RASA3: variants seen among roughly 807,000 people sequenced by gnomAD.
The protein encoded by RASA3 is RAS p21 protein activator 3.
RASA3 carries 73 observed loss-of-function variants against 110.0 expected under a neutral mutation model. The observed-to-expected ratio is 0.66, with a 90% CI of 0.55 to 0.81. RASA3 has a LOEUF of 0.81. Among genes scored for constraint, RASA3 ranks in the 30% least tolerant of loss-of-function variants. RASA3 has a pLI of 0.00. For missense variants in RASA3, 976 were observed against 1,113.2 expected (o/e 0.88, Z 1.75); for synonymous variants, 500 against 451.4 (o/e 1.11, Z -1.37).
At chr13:114,075,603 C>T (rs557522256) in intron 1 of RASA3, among the ~76,000 whole-genome samples, 4,200 of 48,680 alleles carry the variant, frequency 0.086, 352 homozygotes, top group Middle Eastern at 0.21. Context: ...GCCGGCAGGA[C>T]GAAGCCTCCC....
intron 1 of RASA3, among the ~76,000 whole-genome samples, chr13:114,090,653 C>G (rs1327934248): frequency 6.6e-6 from 1 of 152,200 alleles, no homozygotes; most frequent in African/African-American, 2.4e-5. Context: ...AAAAACACCT[C>G]ACAGCAGAGA....
Position 114,021,452 on chromosome 13 carries a change from A to G in RASA3, c.737T>C (p.Leu246Pro). ...CCGCAGGACTTTCAACGGGATCCTT[A>G]GTTCTCCCAGGAATTCATCTCCAAA... ...LKFGDEFLGE[L>P]RIPLKVLRQS... The change falls in exon 9 of 24, where the codon CTA (leucine) becomes CCA (proline). Residue 246 changes from leucine to proline, a missense_variant. Around this residue, in one of 4 missense-constraint regions of RASA3, gnomAD observed 732 missense variants for 779.7 expected, o/e 0.94. Coordinates refer to ENST00000334062, the MANE Select transcript of RASA3 (RefSeq NM_007368.4). The G allele has an allele frequency of 6.2e-7, 1 of 1,614,012 alleles. No individual in the cohort carries two copies. The highest frequency in any genetic ancestry group is 8.5e-7 in the Non-Finnish European group (1 of 1,180,016).
At chr13:114,110,140 A>G (rs961755630) in intron 1 of RASA3, among the ~76,000 whole-genome samples, 1 of 152,230 alleles carries the variant, frequency 6.6e-6, no homozygotes, top group African/African-American at 2.4e-5. Context: ...CCAGAAAAAA[A>G]TAGTGAATCA....
chr13:114,116,935 AGG>A lies in RASA3; in HGVS notation c.55+15498_55+15499del, dbSNP rs2080286733. Among the ~76,000 whole-genome samples the A allele has an allele frequency of 3.9e-5, 3 of 76,260 alleles. No homozygotes were observed. In the Admixed American group the frequency reaches 5.1e-4, roughly 13 times the overall value. The allele number at this position is 76,260 out of a possible 152,430, so 50.0% of individuals were successfully genotyped here. On this transcript the variant is annotated intron_variant, in intron 1 of 23. Transcript: ENST00000334062. ...TGTGTGAGGGGTGAGCACGTGTGTG[AGG>A]GGAGCACGTGTGTGAGGGGTGCACG...
chr13:113,981,544 TG>T, intron 23 of RASA3, 130 bp downstream of exon 23: 1 of 1,010,980 alleles, frequency 9.9e-7, no homozygotes. Context: ...CCGGTGCAAG[TG>T]GGACTCTCCT....
At chr13:114,117,114 G>A (rs1437708718) in intron 1 of RASA3, among the ~76,000 whole-genome samples, 1 of 134,728 alleles carries the variant, frequency 7.4e-6, no homozygotes, top group Non-Finnish European at 1.6e-5. Context: ...AGGAGAGCAC[G>A]TGTGTGAGGG....
chr13:113,996,714 C>T lies in RASA3; in HGVS notation c.1958G>A (p.Arg653His), dbSNP rs1220242819. ...GTTGTTGGCCTGGATGTACAGCGCA[C>T]GCTCTGGCTGGATGACCTGGAACAT... ...KNMFQVIQPE[R>H]ALYIQANNCV... The change falls in exon 21 of 24, where the codon CGT becomes CAT. Residue 653 changes from arginine (R) to histidine (H), a missense_variant. Arg to His is a conservative substitution (Grantham distance 29, BLOSUM62 0). Around this residue, in one of 4 missense-constraint regions of RASA3, gnomAD observed 109 missense variants for 162.5 expected, o/e 0.67. Transcript: ENST00000334062. 8 of 1,613,728 alleles carry T rather than the reference C, an allele frequency of 5.0e-6. No homozygotes were observed. The highest frequency in any genetic ancestry group is 2.2e-5 in the South Asian group (2 of 91,088).
chr13:114,075,145 G>A (rs2079647165), intron 1 of RASA3, among the ~76,000 whole-genome samples: 2 of 152,204 alleles, frequency 1.3e-5, no homozygotes, highest in Admixed American at 6.5e-5. Flanking sequence ...GCCACTCAGG[G>A]CCACATCACC....
At chr13:114,099,001 G>A (rs1246855627) in intron 1 of RASA3, among the ~76,000 whole-genome samples, 3 of 97,280 alleles carry the variant, frequency 3.1e-5, no homozygotes, top group African/African-American at 8.3e-5. Flanking sequence ...CCGGCCACCC[G>A]AGCCCCCCAG....
In RASA3 at chr13:114,096,850, G is replaced by A. The variant is rs754372767; in HGVS notation, c.56-23013C>T. ...TCCAGGCCGATCTCGCTGCTCCCTC[G>A]GACGTACTCGCCCTACACCCCAGCC... is the stretch of plus-strand genomic sequence containing the variant. On this transcript the variant is annotated intron_variant, in intron 1 of 23. Coordinates refer to ENST00000334062, the MANE Select transcript of RASA3 (RefSeq NM_007368.4). This position sits in a 1 kb window ranked among gnomAD's most constrained non-coding sequence, Gnocchi z 5.1. 2.4e-4 allele frequency among the ~76,000 whole-genome samples: 37 copies of A among 152,150 alleles called. No individual in the cohort carries two copies. The highest frequency in any genetic ancestry group is 3.4e-3 in the Middle Eastern group (1 of 292).
At chr13:114,102,423 G>C (rs1484507759) in intron 1 of RASA3, among the ~76,000 whole-genome samples, 4 of 152,250 alleles carry the variant, frequency 2.6e-5, no homozygotes, top group Non-Finnish European at 4.4e-5. Context: ...GGGACAGAGA[G>C]GGAGTGAGAG....
At chr13:114,042,457 C>T (rs1283240059) in intron 3 of RASA3, among the ~76,000 whole-genome samples, 2 of 152,280 alleles carry the variant, frequency 1.3e-5, no homozygotes, top group African/African-American at 4.8e-5. Flanking sequence ...AGACTCCTCA[C>T]GTCTTCGTTC....
At chr13:114,053,017 T>C (rs1297827177) in intron 2 of RASA3, among the ~76,000 whole-genome samples, 2 of 140,618 alleles carry the variant, frequency 1.4e-5, no homozygotes, top group Admixed American at 7.0e-5. Flanking sequence ...AGACCCCCGC[T>C]GCTGACTGTG....
chr13:114,102,693 G>C (rs1422724449), intron 1 of RASA3, among the ~76,000 whole-genome samples: 1 of 152,204 alleles, frequency 6.6e-6, no homozygotes, highest in African/African-American at 2.4e-5. Context: ...TCACAGCCAA[G>C]GCTGCGGCGT....
At chr13:114,042,685 A>G (rs2139479822) in intron 3 of RASA3, among the ~76,000 whole-genome samples, 3 of 152,334 alleles carry the variant, frequency 2.0e-5, no homozygotes, top group East Asian at 3.9e-4. Context: ...TCTCTCTTCC[A>G]AGGAAGATCC....
chr13:114,080,112 G>A (rs1299770743), intron 1 of RASA3, among the ~76,000 whole-genome samples: 4 of 152,204 alleles, frequency 2.6e-5, no homozygotes, highest in Non-Finnish European at 4.4e-5. Flanking sequence ...CTATCCTCAC[G>A]CTCAGGAGGG....
Position 114,009,395 on chromosome 13 carries a change from C to A in RASA3, c.1660G>T (p.Val554Leu), listed in dbSNP as rs141292017. The A allele has an allele frequency of 6.2e-7, 1 of 1,611,604 alleles. No homozygotes were observed. Among genetic ancestry groups the A allele is most frequent in the African/African-American group, 1.3e-5 (1 of 75,042 alleles). ...FFNEQKYADA[V>L]KNFLDLISSS... ...GGTGAGTCGATACTTACGTTCTTCA[C>A]CGCATCAGCATATTTCTGCTCATTG... The change falls in exon 17 of 24, where the codon GTG becomes TTG. Residue 554 changes from valine to leucine, a missense_variant. Physicochemically the swap from Val to Leu is conservative, Grantham distance 32. Around this residue, in one of 4 missense-constraint regions of RASA3, gnomAD observed 732 missense variants for 779.7 expected, o/e 0.94. Transcript: ENST00000334062.
intron 2 of RASA3, among the ~76,000 whole-genome samples, chr13:114,055,835 C>T (rs2079235908): frequency 6.6e-6 from 1 of 152,214 alleles, no homozygotes; most frequent in East Asian, 1.9e-4. Context: ...CGGTGCATCT[C>T]ACACAAGAAG....
intron 2 of RASA3, among the ~76,000 whole-genome samples, chr13:114,055,040 G>A (rs1329817803): frequency 6.6e-6 from 1 of 152,048 alleles, no homozygotes; most frequent in Non-Finnish European, 1.5e-5. Context: ...GTGGGTGTGT[G>A]CATGCATGTG....
Sources: allele counts gnomAD v4.1 joint callset (sites outside exome capture counted in the v4.1 genomes callset), GRCh38; gene constraint gnomAD v4.1.1; regional missense constraint gnomAD v4.1.1; non-coding constraint Gnocchi (gnomAD v3.1); transcripts MANE v1.5; gene names NCBI Gene and HGNC (gene_info 2026-07-23, HGNC 2026-07-21).